Variants in RBMS3 observed in about 807,000 individuals in gnomAD.
RBMS3 encodes RNA-binding motif, single-stranded-interacting protein 3.
In RBMS3, 27 loss-of-function variants were observed where a neutral mutation model predicts 66.8. That is an observed-to-expected ratio of 0.40 (90% CI 0.30 to 0.56). RBMS3 has a LOEUF of 0.56. Among genes scored for constraint, RBMS3 ranks in the 20% least tolerant of loss-of-function variants. The pLI is 0.40. For synonymous variants in RBMS3, 188 were observed against 183.0 expected (o/e 1.03, Z -0.22); for missense variants, 513 against 549.5 (o/e 0.93, Z 0.66).
At chr3:29,338,688 CTCCTCTCCTCCTCCT>C (rs1251992785) in intron 1 of RBMS3, among the ~76,000 whole-genome samples, 4 of 99,552 alleles carry the variant, frequency 4.0e-5, no homozygotes, top group Non-Finnish European at 8.9e-5. Context: ...CTCCTCTCCT[CTCCTCTCCTCCTCCT>C]CTCCTCTCCT....
chr3:29,558,952 C>T lies in RBMS3; in HGVS notation c.308-28162C>T, dbSNP rs377404531. 9.9e-5 allele frequency among the ~76,000 whole-genome samples: 15 copies of T among 152,192 alleles called. No individual in the cohort carries two copies. The East Asian group carries it at 1.2e-3, about 12-fold the overall frequency. ...AGTGGAATTATTACATCATTTTAGT[C>T]ACTGAAATAAACAGCCTTAAAGATT... On this transcript the variant is annotated intron_variant, in intron 3 of 14. Transcript: ENST00000383767.
At chr3:29,382,273 T>G (rs546514021) in intron 1 of RBMS3, among the ~76,000 whole-genome samples, 2 of 152,302 alleles carry the variant, frequency 1.3e-5, no homozygotes, top group African/African-American at 4.8e-5. Flanking sequence ...AGTAGAAGAC[T>G]AACATCTTCC....
At chr3:29,372,896 A>T (rs1476258732) in intron 1 of RBMS3, among the ~76,000 whole-genome samples, 1 of 151,906 alleles carries the variant, frequency 6.6e-6, no homozygotes, top group East Asian at 1.9e-4. Flanking sequence ...AAAAAAAACA[A>T]AAAAGAAAAA....
At chr3:29,839,662 C>T (rs2058615139) in intron 6 of RBMS3, among the ~76,000 whole-genome samples, 1 of 151,434 alleles carries the variant, frequency 6.6e-6, no homozygotes. Flanking sequence ...TAAAAATGAA[C>T]TCATTTTTAC....
chr3:29,890,703 A>C (rs944233758), intron 8 of RBMS3, among the ~76,000 whole-genome samples: 4 of 151,620 alleles, frequency 2.6e-5, no homozygotes, highest in Admixed American at 2.0e-4. Flanking sequence ...ATTGCGATTA[A>C]ACCACAAAGT....
intron 4 of RBMS3, among the ~76,000 whole-genome samples, chr3:29,729,142 C>A (rs527280338): frequency 1.6e-3 from 240 of 146,000 alleles, no homozygotes; most frequent in Admixed American, 2.4e-3. Flanking sequence ...TACCGCCCCA[C>A]CCCCCAACCC....
chr3:29,884,472 C>CTCTCTCTT (rs1258281965), intron 8 of RBMS3, among the ~76,000 whole-genome samples: 62 of 75,736 alleles, frequency 8.2e-4, no homozygotes, highest in Non-Finnish European at 1.7e-3. Flanking sequence ...CTCTCTCTCC[C>CTCTCTCTT]CCCCCGCTCC....
intron 3 of RBMS3, among the ~76,000 whole-genome samples, chr3:29,510,290 A>C (rs2044346294): frequency 6.6e-6 from 1 of 152,188 alleles, no homozygotes; most frequent in Non-Finnish European, 1.5e-5. Flanking sequence ...TTTGACACCA[A>C]GAAGACCAGT....
intron 4 of RBMS3, among the ~76,000 whole-genome samples, chr3:29,658,756 CAA>C (rs2050415461): frequency 6.6e-6 from 1 of 152,188 alleles, no homozygotes; most frequent in South Asian, 2.1e-4. Flanking sequence ...TAATCTGCCT[CAA>C]TATTAATGAG....
Position 29,650,630 on chromosome 3 carries a change from T to C in RBMS3, c.399+63425T>C, listed in dbSNP as rs537798942. On this transcript the variant is annotated intron_variant, in intron 4 of 14. Transcript: ENST00000383767. ...TTTTCTTTTTGAAGAGATAGGTTCA[T>C]TGTGGCAGCCAAAGTGTCACTTATA... Among the ~76,000 whole-genome samples the C allele has an allele frequency of 4.6e-5, 7 of 152,278 alleles. No individual in the cohort carries two copies. In the East Asian group the frequency reaches 1.2e-3, roughly 25 times the overall value.
In RBMS3 at chr3:29,336,216, G is replaced by T. The variant is rs2035938322; in HGVS notation, c.75+54460G>T. Among the ~76,000 whole-genome samples, 2 of 152,096 alleles carry T rather than the reference G, an allele frequency of 1.3e-5. 1 individual carries two copies. Among genetic ancestry groups the T allele is most frequent in the Non-Finnish European group, 2.9e-5 (2 of 68,012 alleles). On this transcript the variant is annotated intron_variant, in intron 1 of 14. Coordinates refer to ENST00000383767, the MANE Select transcript of RBMS3 (RefSeq NM_001003793.3). Reference sequence around the variant, plus strand: ...TGGGTGGTAAGCACAGTTTGAAACAGGCTTTCTGTTAATTTTCATAGGCTT... The same window carrying T: ...TGGGTGGTAAGCACAGTTTGAAACATGCTTTCTGTTAATTTTCATAGGCTT...
intron 4 of RBMS3, among the ~76,000 whole-genome samples, chr3:29,676,757 T>C (rs889484511): frequency 2.0e-5 from 3 of 152,200 alleles, no homozygotes; most frequent in Admixed American, 1.3e-4. Context: ...TTTAAATACC[T>C]TTTAAAAAAT....
intron 4 of RBMS3, among the ~76,000 whole-genome samples, chr3:29,623,098 C>T (rs2048929738): frequency 7.2e-6 from 1 of 138,098 alleles, no homozygotes; most frequent in South Asian, 2.4e-4. Flanking sequence ...GAGAAAGACT[C>T]CCTCTCAAAA....
intron 6 of RBMS3, among the ~76,000 whole-genome samples, chr3:29,838,960 T>C (rs1283837074): frequency 6.6e-6 from 1 of 152,210 alleles, no homozygotes; most frequent in Non-Finnish European, 1.5e-5. Context: ...AACATTCTTA[T>C]AGAGGCTGCC....
intron 10 of RBMS3, among the ~76,000 whole-genome samples, chr3:29,920,241 A>G (rs1017289941): frequency 6.6e-6 from 1 of 152,184 alleles, no homozygotes; most frequent in African/African-American, 2.4e-5. Context: ...AAGTTTTGAA[A>G]TTTGAAATTG....
chr3:29,824,233 G>A (rs1324044844), intron 6 of RBMS3, among the ~76,000 whole-genome samples: 6 of 151,774 alleles, frequency 4.0e-5, no homozygotes, highest in African/African-American at 1.5e-4. Context: ...GCATGAATGG[G>A]ATTAATGTCC....
chr3:29,755,907 T>G (rs2055391751), intron 5 of RBMS3, among the ~76,000 whole-genome samples: 1 of 152,168 alleles, frequency 6.6e-6, no homozygotes, highest in Non-Finnish European at 1.5e-5. Flanking sequence ...TAGGAAAGGA[T>G]GAGCAGAAAT....
At chr3:29,721,423 G>A (rs2053639184) in intron 4 of RBMS3, among the ~76,000 whole-genome samples, 1 of 152,028 alleles carries the variant, frequency 6.6e-6, no homozygotes, top group South Asian at 2.1e-4. Flanking sequence ...TAATACTAGG[G>A]TATAGCAACC....
chr3:29,379,127 A>G (rs1419375429), intron 1 of RBMS3, among the ~76,000 whole-genome samples: 3 of 152,162 alleles, frequency 2.0e-5, no homozygotes, highest in Non-Finnish European at 4.4e-5. Flanking sequence ...ATATATATGT[A>G]CATACAGGAA....
Sources: allele counts gnomAD v4.1 joint callset (sites outside exome capture counted in the v4.1 genomes callset), GRCh38; gene constraint gnomAD v4.1.1; transcripts MANE v1.5; gene names NCBI Gene and HGNC (gene_info 2026-07-23, HGNC 2026-07-21).